The following TNRC6B variants were observed in gnomAD, a reference collection of about 807,000 sequenced individuals.
TNRC6B encodes trinucleotide repeat containing adaptor 6B, also known as trinucleotide repeat-containing gene 6B protein.
Under a neutral mutation model 203.6 loss-of-function variants are expected in TNRC6B, and 52 were observed. The observed-to-expected ratio is 0.26, with a 90% CI of 0.20 to 0.32. The LOEUF is 0.32. Ranked by LOEUF, TNRC6B falls within the 10% of genes least tolerant of loss-of-function variation. TNRC6B has a pLI of 1.00. For missense variants in TNRC6B, 1,923 were observed against 2,286.2 expected, an observed-to-expected ratio of 0.84 and a Z score of 3.24; for synonymous variants, 838 against 845.7, an observed-to-expected ratio of 0.99 and a Z score of 0.16.
At chr22:40,120,259 C>T (rs193239513) in intron 2 of TNRC6B, among the ~76,000 whole-genome samples, 1 of 149,688 alleles carries the variant, frequency 6.7e-6, no homozygotes, top group Non-Finnish European at 1.5e-5. Context: ...TTGGGAAGCC[C>T]AGTGAGGCTG....
In TNRC6B at chr22:40,334,940, G is replaced by T. The variant is rs1289266133; in HGVS notation, c.*11699G>T. 1 of 152,488 alleles carries T rather than the reference G, an allele frequency of 6.6e-6. No homozygotes were observed. The highest frequency in any genetic ancestry group is 6.5e-5 in the Admixed American group (1 of 15,270). The allele number at this position is 152,488 out of a possible 1,614,324, so 9.4% of individuals were successfully genotyped here. A position where few individuals can be genotyped will look rare whatever the true frequency, so the allele number is the denominator to read the frequency against. ...AGGTACAGCAAAAATCCTCTCATCT[G>T]AAACACTGTCAGCAGAAACAAAACC... On this transcript the variant is annotated 3_prime_UTR_variant, in exon 23 of 23. Coordinates refer to ENST00000454349, the MANE Select transcript of TNRC6B (RefSeq NM_001162501.2).
chr22:40,270,468 C>T (rs1173305186), intron 6 of TNRC6B, among the ~76,000 whole-genome samples, 188 bp downstream of exon 6: 6 of 151,828 alleles, frequency 4.0e-5, no homozygotes, highest in East Asian at 1.9e-4. Flanking sequence ...TACAGGCGCC[C>T]GCCACCACGC....
rs968361090 is a variant in TNRC6B, at chr22:40,330,924, G to A, written c.*7683G>A. On this transcript the variant is annotated 3_prime_UTR_variant, in exon 23 of 23. Transcript: ENST00000454349. Reference sequence around the variant, plus strand: ...CTGGGACTTGGGAGAGGAGACAGGGGAAGGTACCCAGGCGACGCAGACCCA... The same window carrying A: ...CTGGGACTTGGGAGAGGAGACAGGGAAAGGTACCCAGGCGACGCAGACCCA... The A allele has an allele frequency of 6.5e-6, 1 of 152,690 alleles. No homozygotes were observed. Among genetic ancestry groups the A allele is most frequent in the Non-Finnish European group, 1.5e-5 (1 of 68,060 alleles). 9.5% of individuals were successfully genotyped at this position (152,690 alleles called of 1,614,324 possible). A position where few individuals can be genotyped will look rare whatever the true frequency, so the allele number is the denominator to read the frequency against.
chr22:40,252,987 C>T (rs2070215966), intron 3 of TNRC6B, among the ~76,000 whole-genome samples: 1 of 152,182 alleles, frequency 6.6e-6, no homozygotes, highest in Non-Finnish European at 1.5e-5. Context: ...GGCCACAAGA[C>T]TGATGCTTGC....
chr22:40,134,721 A>C (rs879462691), intron 3 of TNRC6B, among the ~76,000 whole-genome samples: 1 of 152,196 alleles, frequency 6.6e-6, no homozygotes, highest in Non-Finnish European at 1.5e-5. Context: ...TAATAAATAA[A>C]TAATAATGTA....
At chr22:40,134,026 A>G (rs1422534225) in intron 3 of TNRC6B, among the ~76,000 whole-genome samples, 1 of 151,834 alleles carries the variant, frequency 6.6e-6, no homozygotes, top group Non-Finnish European at 1.5e-5. Context: ...AGATGGTGAA[A>G]AATTTGATTG....
At chr22:40,047,215 T>C (rs6001734) in intron 1 of TNRC6B, among the ~76,000 whole-genome samples, 55,929 of 151,964 alleles carry the variant, frequency 0.37, 15,070 homozygotes, top group African/African-American at 0.76. Flanking sequence ...TGCCTCCTCC[T>C]TGAATTATCA....
intron 21 of TNRC6B, among the ~76,000 whole-genome samples, chr22:40,320,775 G>A (rs763599280): frequency 6.6e-6 from 1 of 152,160 alleles, no homozygotes; most frequent in African/African-American, 2.4e-5. Flanking sequence ...CAGATGTTTA[G>A]TAGTGCTTTT....
At chr22:40,215,298 A>T (rs920737539) in intron 1 of TNRC6B, among the ~76,000 whole-genome samples, 11 of 152,144 alleles carry the variant, frequency 7.2e-5, no homozygotes, top group Admixed American at 7.2e-4. Flanking sequence ...TTCATGTGTG[A>T]TTTATCAGTT....
rs1353833772 is a variant in TNRC6B at position 40,331,929 on chromosome 22, G to C, written c.*8688G>C. 3.4e-6 allele frequency: 1 copy of C among 292,978 alleles called. No individual in the cohort carries two copies. Among genetic ancestry groups the C allele is most frequent in the Non-Finnish European group, 6.3e-6 (1 of 158,244 alleles). The allele number at this position is 292,978 out of a possible 1,614,324, so 18.1% of individuals were successfully genotyped here. A position where few individuals can be genotyped will look rare whatever the true frequency, so the allele number is the denominator to read the frequency against. ...TCTTGCCACTGTTGCTGGCAGGTCT[G>C]ATGGCCAGGTAAATTCCAGGGGGCC... On this transcript the variant is annotated 3_prime_UTR_variant, in exon 23 of 23. Coordinates refer to ENST00000454349, the MANE Select transcript of TNRC6B (RefSeq NM_001162501.2).
In TNRC6B at chr22:40,326,321, AAAAAG is replaced by A. The variant is rs1374849895; in HGVS notation, c.*3086_*3090del. ...AAACAATTTTTACTTAAAAAAATGTAAAAAGAAAAGTCTCCAAACATTATTGTCAT... is the reference window on the plus strand; with the variant it reads ...AAACAATTTTTACTTAAAAAAATGTAAAAAGTCTCCAAACATTATTGTCAT... On this transcript the variant is annotated 3_prime_UTR_variant, in exon 23 of 23. Transcript: ENST00000454349. 1.3e-5 allele frequency: 2 copies of A among 152,656 alleles called. No individual in the cohort carries two copies. The highest frequency in any genetic ancestry group is 1.9e-4 in the East Asian group (1 of 5,208). The allele number at this position is 152,656 out of a possible 1,614,324, so 9.5% of individuals were successfully genotyped here.
chr22:40,075,156 A>ATATATATATATATATATATATATATATT, intron 1 of TNRC6B, among the ~76,000 whole-genome samples: 1 of 35,558 alleles, frequency 2.8e-5, no homozygotes, highest in Non-Finnish European at 5.2e-5. Context: ...ATATATATAT[A>ATATATATATATATATATATATATATATT]TTTTTTTTTT....
intron 1 of TNRC6B, among the ~76,000 whole-genome samples, chr22:40,237,025 C>T (rs1245649525): frequency 3.3e-5 from 5 of 152,024 alleles, no homozygotes; most frequent in Admixed American, 1.3e-4. Flanking sequence ...ATTAGCTGGG[C>T]GTGGTGGTGC....
intron 1 of TNRC6B, among the ~76,000 whole-genome samples, chr22:40,088,345 C>T (rs1298657729): frequency 6.6e-6 from 1 of 152,200 alleles, no homozygotes; most frequent in African/African-American, 2.4e-5. Flanking sequence ...CTTCCACTTA[C>T]TATGAATGCA....
chr22:40,273,933 T>G (rs1161311725), intron 7 of TNRC6B, among the ~76,000 whole-genome samples: 1 of 152,086 alleles, frequency 6.6e-6, no homozygotes. Flanking sequence ...AGGTGGGAGC[T>G]ACCATGCCTA....
intron 1 of TNRC6B, among the ~76,000 whole-genome samples, chr22:40,057,304 T>G (rs1345400599): frequency 6.6e-6 from 1 of 151,472 alleles, no homozygotes; most frequent in Non-Finnish European, 1.5e-5. Context: ...TTTTTTTTTT[T>G]TTTTTTGAGA....
intron 15 of TNRC6B, among the ~76,000 whole-genome samples, chr22:40,307,147 C>T (rs2071097264): frequency 6.9e-6 from 1 of 145,646 alleles, no homozygotes; most frequent in African/African-American, 2.5e-5. Flanking sequence ...GAACATGGGT[C>T]AGGAAGGTGT....
At chr22:40,283,301 G>T (rs2070741585) in intron 11 of TNRC6B, among the ~76,000 whole-genome samples, 1 of 152,208 alleles carries the variant, frequency 6.6e-6, no homozygotes, top group Non-Finnish European at 1.5e-5. Flanking sequence ...GCCTCCCAAA[G>T]TGCTGGGATT....
intron 1 of TNRC6B, among the ~76,000 whole-genome samples, chr22:40,060,417 C>T (rs73418334): frequency 0.045 from 6,774 of 152,114 alleles, 444 homozygotes; most frequent in African/African-American, 0.14. Context: ...GCTAGGATTA[C>T]GGGCATGAGC....
Sources: allele counts gnomAD v4.1 joint callset (sites outside exome capture counted in the v4.1 genomes callset), GRCh38; gene constraint gnomAD v4.1.1; transcripts MANE v1.5; gene names NCBI Gene and HGNC (gene_info 2026-07-23, HGNC 2026-07-21).